RSPH14: variants seen among roughly 807,000 people sequenced by gnomAD.
The protein encoded by RSPH14 is radial spoke head 14 homolog.
Under a neutral mutation model 26.7 loss-of-function variants are expected in RSPH14, and 20 were observed. The observed-to-expected ratio is 0.75, with a 90% CI of 0.53 to 1.09. RSPH14 has a LOEUF of 1.09. Ranked by LOEUF, RSPH14 falls within the 50% of genes least tolerant of loss-of-function variation. The pLI is 0.00. For missense variants in RSPH14, 449 were observed against 457.2 expected, an observed-to-expected ratio of 0.98 and a Z score of 0.16; for synonymous variants, 177 against 189.3, an observed-to-expected ratio of 0.93 and a Z score of 0.53.
intron 4 of RSPH14, among the ~76,000 whole-genome samples, chr22:23,106,019 G>A (rs1057403037): frequency 3.9e-5 from 6 of 152,154 alleles, no homozygotes; most frequent in Non-Finnish European, 8.8e-5. Flanking sequence ...AGGCCCTTTC[G>A]GAGCAAATGC....
intron 4 of RSPH14, among the ~76,000 whole-genome samples, chr22:23,064,441 A>G (rs9612225): frequency 0.8 from 121,058 of 152,108 alleles, 48,629 homozygotes; most frequent in East Asian, 0.96. Flanking sequence ...TGGAGAGGCA[A>G]TAAGCCACCC....
intron 4 of RSPH14, chr22:23,095,679 C>A: frequency 6.3e-7 from 1 of 1,588,508 alleles, no homozygotes; most frequent in Non-Finnish European, 8.6e-7. Context: ...CTTGTCTGGG[C>A]CCGCTGCTGC....
At chr22:23,118,245 C>T (rs2146387294) in intron 4 of RSPH14, among the ~76,000 whole-genome samples, 1 of 152,358 alleles carries the variant, frequency 6.6e-6, no homozygotes, top group Admixed American at 6.5e-5. Context: ...CAAATCACCT[C>T]ACCATTCCCC....
intron 4 of RSPH14, among the ~76,000 whole-genome samples, chr22:23,130,131 GA>G (rs2070307832): frequency 1.9e-5 from 2 of 103,684 alleles, no homozygotes; most frequent in Non-Finnish European, 4.2e-5. Flanking sequence ...AAGAAAGAAA[GA>G]AAGAAAGAAA....
intron 4 of RSPH14, among the ~76,000 whole-genome samples, chr22:23,097,915 A>C (rs1378723920): frequency 6.6e-6 from 1 of 152,234 alleles, no homozygotes; most frequent in East Asian, 1.9e-4. Context: ...CCCGGGCACC[A>C]GGCCTGGCTC....
chr22:23,158,091 CT>C, the RSPH14 span: 1 of 1,610,034 alleles, frequency 6.2e-7, no homozygotes. Flanking sequence ...GCTCAGGAAG[CT>C]GCCTGGAAGG....
intron 4 of RSPH14, among the ~76,000 whole-genome samples, chr22:23,098,146 G>A (rs578003873): frequency 6.6e-6 from 1 of 152,368 alleles, no homozygotes; most frequent in Admixed American, 6.5e-5. Context: ...GCCTGTGCCT[G>A]CCACCTTGCT....
intron 4 of RSPH14, chr22:23,131,556 T>G: frequency 8.1e-6 from 10 of 1,233,412 alleles, no homozygotes; most frequent in Non-Finnish European, 1.1e-5. Flanking sequence ...ACCATCTCTG[T>G]ACTTCTCTGA....
chr22:23,133,231 T>C (rs916622786), intron 4 of RSPH14, among the ~76,000 whole-genome samples: 1 of 152,214 alleles, frequency 6.6e-6, no homozygotes, highest in African/African-American at 2.4e-5. Flanking sequence ...GTAAGTAAAC[T>C]GTTGTATACT....
chr22:23,153,046 GT>G, the RSPH14 span: 1 of 1,614,060 alleles, frequency 6.2e-7, no homozygotes, highest in South Asian at 1.1e-5. Context: ...TTGCAAGAAT[GT>G]TTTTGATCGA....
At chr22:23,102,993 T>G (rs1006863488) in intron 4 of RSPH14, among the ~76,000 whole-genome samples, 12 of 152,126 alleles carry the variant, frequency 7.9e-5, no homozygotes, top group Admixed American at 5.9e-4. Context: ...TGGTAAGCCT[T>G]GAGGGAGGAG....
intron 4 of RSPH14, among the ~76,000 whole-genome samples, chr22:23,070,049 C>G (rs1479875125): frequency 6.6e-6 from 1 of 152,166 alleles, no homozygotes; most frequent in African/African-American, 2.4e-5. Context: ...TGGGGCTCGG[C>G]TACCAGGCCT....
chr22:23,178,000 T>C, the RSPH14 span, among the ~76,000 whole-genome samples: 4 of 152,196 alleles, frequency 2.6e-5, no homozygotes, highest in South Asian at 8.3e-4. Flanking sequence ...GGAGTCTCAC[T>C]ATGTTGCCCA....
intron 4 of RSPH14, among the ~76,000 whole-genome samples, chr22:23,116,548 C>T (rs531826893): frequency 1.1e-3 from 161 of 152,336 alleles, no homozygotes; most frequent in African/African-American, 3.8e-3. Context: ...GCCTGTGAGG[C>T]AGGGACAGGA....
chr22:23,104,563 T>G (rs1258936490), intron 4 of RSPH14, among the ~76,000 whole-genome samples: 8 of 152,034 alleles, frequency 5.3e-5, no homozygotes, highest in East Asian at 1.9e-4. Flanking sequence ...CAGCTCTGGG[T>G]TTTAAGACAC....
At chr22:23,139,034 T>C in intron 2 of RSPH14, 92 bp from the exon 3 acceptor site, 2 of 962,128 alleles carry the variant, frequency 2.1e-6, no homozygotes, top group Admixed American at 2.4e-5. Context: ...GTGGGCCAGT[T>C]GGGGCAGGAA....
chr22:23,090,502 T>C (rs1483015457), intron 4 of RSPH14, among the ~76,000 whole-genome samples: 1 of 152,140 alleles, frequency 6.6e-6, no homozygotes, highest in Admixed American at 6.5e-5. Flanking sequence ...GTCATGGCAC[T>C]TCTCACCCAA....
chr22:23,105,392 T>A (rs2069436630), intron 4 of RSPH14, among the ~76,000 whole-genome samples: 1 of 152,202 alleles, frequency 6.6e-6, no homozygotes, highest in South Asian at 2.1e-4. Context: ...AGGCAGAGGT[T>A]CCCCACTGGG....
the RSPH14 span, chr22:23,180,692 G>A: frequency 2.0e-5 from 3 of 150,432 alleles, no homozygotes; most frequent in African/African-American, 4.9e-5. Flanking sequence ...GGAGAGCAGC[G>A]CCCGCGCCTC....
Sources: allele counts gnomAD v4.1 joint callset (sites outside exome capture counted in the v4.1 genomes callset), GRCh38; gene constraint gnomAD v4.1.1; transcripts MANE v1.5; gene names NCBI Gene and HGNC (gene_info 2026-07-23, HGNC 2026-07-21).